Variants in CLYBL observed in about 807,000 individuals in gnomAD.
The protein encoded by CLYBL is citramalyl-CoA lyase, mitochondrial.
Under a neutral mutation model 38.9 loss-of-function variants are expected in CLYBL, and 31 were observed. That is an observed-to-expected ratio of 0.80 (90% CI 0.60 to 1.08). The LOEUF is 1.08. Ranked by LOEUF, CLYBL falls within the 50% of genes least tolerant of loss-of-function variation. The pLI is 0.00. For missense variants in CLYBL, 434 were observed against 411.6 expected (o/e 1.05, Z -0.47); for synonymous variants, 171 against 158.6 (o/e 1.08, Z -0.59).
chr13:99,859,491 A>G (rs1256945724), intron 3 of CLYBL, among the ~76,000 whole-genome samples: 1 of 152,234 alleles, frequency 6.6e-6, no homozygotes, highest in African/African-American at 2.4e-5. Context: ...CGCATATGAA[A>G]AAATGAACCC....
intron 2 of CLYBL, among the ~76,000 whole-genome samples, chr13:99,797,199 G>T (rs1456433961): frequency 6.6e-6 from 1 of 152,180 alleles, no homozygotes; most frequent in Non-Finnish European, 1.5e-5. Flanking sequence ...CATGTGTGGA[G>T]ACAGAAATGA....
At chr13:99,759,729 G>A (rs893265448) in intron 1 of CLYBL, among the ~76,000 whole-genome samples, 7 of 152,056 alleles carry the variant, frequency 4.6e-5, no homozygotes, top group East Asian at 1.9e-4. Context: ...TTTACTCTTC[G>A]GGATGAGCTT....
At chr13:99,817,925 G>A (rs969698130) in intron 2 of CLYBL, among the ~76,000 whole-genome samples, 1 of 151,878 alleles carries the variant, frequency 6.6e-6, no homozygotes, top group African/African-American at 2.4e-5. Flanking sequence ...GATCGCTTGA[G>A]CCTGGGAGGT....
intron 1 of CLYBL, among the ~76,000 whole-genome samples, chr13:99,614,680 C>T (rs1336515293): frequency 6.6e-6 from 1 of 152,146 alleles, no homozygotes; most frequent in Non-Finnish European, 1.5e-5. Flanking sequence ...TCCTACATAC[C>T]GTTATCCTGT....
chr13:99,824,257 G>GCCCCCCCCCCCCC (rs57450534), intron 2 of CLYBL, among the ~76,000 whole-genome samples: 82 of 130,470 alleles, frequency 6.3e-4, no homozygotes, highest in Non-Finnish European at 8.6e-4. Context: ...CTGACTAATA[G>GCCCCCCCCCCCCC]CCCCCCCCAC....
intron 1 of CLYBL, among the ~76,000 whole-genome samples, chr13:99,742,716 A>C (rs1019143159): frequency 1.3e-5 from 2 of 152,318 alleles, no homozygotes; most frequent in South Asian, 2.1e-4. Context: ...GTATTTTCTT[A>C]ATAAGTTTGA....
chr13:99,700,005 A>C (rs1177936486), intron 1 of CLYBL, among the ~76,000 whole-genome samples: 1 of 152,090 alleles, frequency 6.6e-6, no homozygotes, highest in Non-Finnish European at 1.5e-5. Flanking sequence ...AAGTAAAATA[A>C]AATAAAATGA....
intron 1 of CLYBL, among the ~76,000 whole-genome samples, chr13:99,698,814 A>G (rs956068611): frequency 1.3e-5 from 2 of 152,236 alleles, no homozygotes; most frequent in Non-Finnish European, 2.9e-5. Context: ...GCAGCTAAAC[A>G]GATGATAAAT....
chr13:99,641,039 A>G (rs887575844), intron 1 of CLYBL, among the ~76,000 whole-genome samples: 6 of 152,176 alleles, frequency 3.9e-5, no homozygotes, highest in African/African-American at 1.2e-4. Flanking sequence ...GGTTTTATGA[A>G]TCATATCACC....
At chr13:99,650,486 A>G (rs763225245) in intron 1 of CLYBL, among the ~76,000 whole-genome samples, 1 of 152,182 alleles carries the variant, frequency 6.6e-6, no homozygotes, top group African/African-American at 2.4e-5. Flanking sequence ...TTGCCCATCT[A>G]CTTTCCTCTC....
At chr13:99,723,934 A>T (rs1250390586) in intron 1 of CLYBL, among the ~76,000 whole-genome samples, 1 of 151,882 alleles carries the variant, frequency 6.6e-6, no homozygotes, top group Non-Finnish European at 1.5e-5. Flanking sequence ...ACTTGTGTAG[A>T]TTTTTCAATT....
rs1594149695 is a variant in CLYBL, at chr13:99,737,188, A to G, written c.63-35636A>G. ...TTCTGCAGGGCCAGCTCCTTAGCCC[A>G]GCAGCAGCTCCCCGGTCCCCCTGTA... On this transcript the variant is annotated intron_variant, in intron 1 of 8. Coordinates refer to ENST00000339105, the MANE Select transcript of CLYBL (RefSeq NM_206808.5). Among the ~76,000 whole-genome samples, 4 of 134,720 alleles carry G rather than the reference A, an allele frequency of 3.0e-5. 1 individual carries two copies. The highest frequency in any genetic ancestry group is 2.9e-4 in the Admixed American group (4 of 13,710). The allele number at this position is 134,720 out of a possible 152,430, so 88.4% of individuals were successfully genotyped here.
At chr13:99,847,262 T>C (rs568361007) in intron 2 of CLYBL, among the ~76,000 whole-genome samples, 34 of 152,268 alleles carry the variant, frequency 2.2e-4, no homozygotes, top group African/African-American at 8.2e-4. Context: ...CACAGGTAAT[T>C]CATGGCACCT....
chr13:99,903,089 T>C (rs7998712), intron 8 of CLYBL, among the ~76,000 whole-genome samples: 23,280 of 152,190 alleles, frequency 0.15, 2,099 homozygotes, highest in African/African-American at 0.24. Flanking sequence ...TGAGCAGACA[T>C]AGGCATGCAG....
chr13:99,728,298 A>G (rs1211952317), intron 1 of CLYBL, among the ~76,000 whole-genome samples: 1 of 114,568 alleles, frequency 8.7e-6, no homozygotes, highest in African/African-American at 3.6e-5. Context: ...TTTTTTTTTG[A>G]GATGGAGTCT....
At chr13:99,886,266 T>C (rs1345670037) in intron 7 of CLYBL, among the ~76,000 whole-genome samples, 1 of 152,204 alleles carries the variant, frequency 6.6e-6, no homozygotes, top group Non-Finnish European at 1.5e-5. Flanking sequence ...AAAATTACTC[T>C]TTTAGGACTA....
At chr13:99,672,857 C>T (rs9517825) in intron 1 of CLYBL, among the ~76,000 whole-genome samples, 58,465 of 151,972 alleles carry the variant, frequency 0.38, 11,538 homozygotes, top group East Asian at 0.56. Context: ...TGGCAAAACT[C>T]TATGCCCTTA....
Position 99,708,527 on chromosome 13 carries a change from T to C in CLYBL, c.63-64297T>C, listed in dbSNP as rs534530153. Among the ~76,000 whole-genome samples the C allele has an allele frequency of 1.2e-4, 19 of 152,332 alleles. No individual in the cohort carries two copies. The South Asian group carries it at 1.7e-3, about 13-fold the overall frequency. ...GGGCCAGGTTCTGAAATTCCAGCTC[T>C]GAAATTCTACCAGCTGGTTGACCTT... On this transcript the variant is annotated intron_variant, in intron 1 of 8. Coordinates refer to ENST00000339105, the MANE Select transcript of CLYBL (RefSeq NM_206808.5).
At chr13:99,817,394 C>T (rs954601860) in intron 2 of CLYBL, among the ~76,000 whole-genome samples, 4 of 152,234 alleles carry the variant, frequency 2.6e-5, no homozygotes, top group African/African-American at 9.6e-5. Flanking sequence ...TGCAGTGGCT[C>T]ACGCCTGTAA....
Sources: allele counts gnomAD v4.1 joint callset (sites outside exome capture counted in the v4.1 genomes callset), GRCh38; gene constraint gnomAD v4.1.1; transcripts MANE v1.5; gene names NCBI Gene and HGNC (gene_info 2026-07-23, HGNC 2026-07-21).